DPYD: variants seen among roughly 807,000 people sequenced by gnomAD.
DPYD encodes dihydropyrimidine dehydrogenase, also known as dihydropyrimidine dehydrogenase [NADP(+)].
In DPYD, 109 loss-of-function variants were observed where a neutral mutation model predicts 116.2. The observed-to-expected ratio is 0.94, with a 90% CI of 0.80 to 1.10. The LOEUF (loss-of-function observed/expected upper bound fraction) is 1.10. Ranked by LOEUF, DPYD falls within the 50% of genes least tolerant of loss-of-function variation. The pLI, the probability that DPYD is intolerant of heterozygous loss-of-function variation, is 0.00. For synonymous variants in DPYD, 440 were observed against 432.0 expected, an observed-to-expected ratio of 1.02 and a Z score of -0.23; for missense variants, 1,302 against 1,254.5, an observed-to-expected ratio of 1.04 and a Z score of -0.57.
intron 18 of DPYD, among the ~76,000 whole-genome samples, chr1:97,253,969 T>C (rs907028744): frequency 1.3e-5 from 2 of 152,130 alleles, no homozygotes. Context: ...CAAGGAATAA[T>C]AGCAATAACA....
intron 3 of DPYD, among the ~76,000 whole-genome samples, chr1:97,808,142 C>A (rs567124496): frequency 2.5e-4 from 38 of 152,186 alleles, no homozygotes; most frequent in Middle Eastern, 3.4e-3. Flanking sequence ...TGTCCATAAG[C>A]AAGATATAAC....
chr1:97,889,675 C>T (rs932361259), intron 1 of DPYD, among the ~76,000 whole-genome samples: 3 of 151,898 alleles, frequency 2.0e-5, no homozygotes, highest in Non-Finnish European at 2.9e-5. Context: ...TTCAATACTC[C>T]ACATTAAACA....
intron 4 of DPYD, among the ~76,000 whole-genome samples, chr1:97,724,340 GTGTGTGTGTGTGTGTGTGTGTGTGTA>G (rs1441257937): frequency 6.7e-6 from 1 of 148,286 alleles, no homozygotes; most frequent in African/African-American, 2.5e-5. Flanking sequence ...GTGTGTGTGT[GTGTGTGTGTGTGTGTGTGTGTGTGTA>G]TGAGATTTAT....
At chr1:97,107,081 T>C (rs148715940) in intron 20 of DPYD, among the ~76,000 whole-genome samples, 218 of 152,234 alleles carry the variant, frequency 1.4e-3, no homozygotes, top group Non-Finnish European at 2.7e-3. Flanking sequence ...AATATTGATC[T>C]TCACTCCCAC....
intron 2 of DPYD, among the ~76,000 whole-genome samples, chr1:97,850,122 C>A (rs1378922526): frequency 6.6e-6 from 1 of 152,178 alleles, no homozygotes; most frequent in African/African-American, 2.4e-5. Context: ...TTCTCCACAG[C>A]TAAAATTGCA....
At chr1:97,484,552 T>G (rs1175922958) in intron 13 of DPYD, among the ~76,000 whole-genome samples, 1 of 152,178 alleles carries the variant, frequency 6.6e-6, no homozygotes, top group African/African-American at 2.4e-5. Flanking sequence ...TGGGGACATC[T>G]TCTCATTTTA....
At chr1:97,110,693 T>G (rs1651526455) in intron 20 of DPYD, among the ~76,000 whole-genome samples, 1 of 152,048 alleles carries the variant, frequency 6.6e-6, no homozygotes, top group Admixed American at 6.6e-5. Flanking sequence ...TCACCTCCTA[T>G]TCACTCCTCA....
chr1:97,722,575 T>C (rs1197295061), intron 4 of DPYD, among the ~76,000 whole-genome samples: 1 of 151,558 alleles, frequency 6.6e-6, no homozygotes, highest in East Asian at 1.9e-4. Context: ...ATAGAGCTGA[T>C]AGAATGCACT....
intron 1 of DPYD, among the ~76,000 whole-genome samples, chr1:97,914,422 T>A (rs982424968): frequency 1.3e-5 from 2 of 152,182 alleles, no homozygotes; most frequent in African/African-American, 4.8e-5. Flanking sequence ...TTTAATTATG[T>A]AGGAATTTCT....
At chr1:97,604,553 A>G (rs551279683) in intron 8 of DPYD, among the ~76,000 whole-genome samples, 2 of 151,124 alleles carry the variant, frequency 1.3e-5, no homozygotes, top group African/African-American at 4.9e-5. Flanking sequence ...CTGTAATTTC[A>G]TAAGTTTTCC....
At position 97,660,513 on chromosome 1, in the gene DPYD, A is replaced by G. The variant is rs966723045; in HGVS notation, c.850+18582T>C. Among the ~76,000 whole-genome samples the G allele has an allele frequency of 2.6e-5, 4 of 152,232 alleles. No homozygotes were observed. The South Asian group carries it at 6.2e-4, about 24-fold the overall frequency. ...ATCATAAATGTAAAATTAATTAACA[A>G]TGTAATGTCCCTTGTATATACTTCT... On this transcript the variant is annotated intron_variant, in intron 8 of 22. Transcript: ENST00000370192.
intron 3 of DPYD, among the ~76,000 whole-genome samples, chr1:97,742,271 G>A (rs1664308790): frequency 6.6e-6 from 1 of 152,040 alleles, no homozygotes; most frequent in African/African-American, 2.4e-5. Flanking sequence ...AACAATACCA[G>A]TCTCCTTGTC....
intron 14 of DPYD, among the ~76,000 whole-genome samples, chr1:97,406,864 A>C (rs1398556238): frequency 6.6e-6 from 1 of 152,158 alleles, no homozygotes; most frequent in Non-Finnish European, 1.5e-5. Context: ...AACTAAAGTC[A>C]TAAGATTTGA....
At chr1:97,473,363 CT>C (rs1677766363) in intron 13 of DPYD, among the ~76,000 whole-genome samples, 1 of 152,082 alleles carries the variant, frequency 6.6e-6, no homozygotes, top group South Asian at 2.1e-4. Context: ...ACCACATTTT[CT>C]TTTTTTATTC....
Position 97,538,635 on chromosome 1 carries a change from C to G in DPYD, c.1524+10925G>C, listed in dbSNP as rs547304292. ...TAATAAACACCTATTTCAAAATATA[C>G]CCATATACTACATGTACCTGAGTAG... is the stretch of plus-strand genomic sequence containing the variant. On this transcript the variant is annotated intron_variant, in intron 12 of 22. Coordinates refer to ENST00000370192, the MANE Select transcript of DPYD (RefSeq NM_000110.4). 2.9e-4 allele frequency among the ~76,000 whole-genome samples: 44 copies of G among 152,232 alleles called. 2 individuals carry two copies. The highest frequency in any genetic ancestry group is 1.0e-3 in the African/African-American group (43 of 41,544).
chr1:97,673,182 G>C (rs1263920613), intron 8 of DPYD, among the ~76,000 whole-genome samples: 1 of 151,596 alleles, frequency 6.6e-6, no homozygotes, highest in African/African-American at 2.4e-5. Flanking sequence ...ACCTTTGATA[G>C]TCTTAATTTT....
chr1:97,479,189 CTGTT>C (rs1246116511), intron 13 of DPYD, among the ~76,000 whole-genome samples: 1 of 152,194 alleles, frequency 6.6e-6, no homozygotes, highest in Non-Finnish European at 1.5e-5. Flanking sequence ...ACTTGGCTAA[CTGTT>C]TGGTGCAAGA....
At chr1:97,780,232 T>C (rs1666662548) in intron 3 of DPYD, among the ~76,000 whole-genome samples, 1 of 152,186 alleles carries the variant, frequency 6.6e-6, no homozygotes, top group Non-Finnish European at 1.5e-5. Context: ...AAATGCTCAG[T>C]TGCAGTTAAA....
At chr1:97,247,949 C>T (rs182653937) in intron 18 of DPYD, among the ~76,000 whole-genome samples, 304 of 152,214 alleles carry the variant, frequency 2.0e-3, no homozygotes, top group African/African-American at 7.1e-3. Flanking sequence ...GGAATAATAC[C>T]GATCTTACAC....
Sources: gnomAD v4.1 joint callset for allele counts (sites outside exome capture counted in the v4.1 genomes callset) on GRCh38, gnomAD v4.1.1 for gene constraint, MANE v1.5 for transcripts, NCBI Gene and HGNC (gene_info 2026-07-23, HGNC 2026-07-21) for gene names.